PDE7B: variants seen among roughly 807,000 people sequenced by gnomAD.
PDE7B encodes phosphodiesterase 7B, also known as 3',5'-cyclic-AMP phosphodiesterase 7B.
PDE7B carries 29 observed loss-of-function variants against 56.2 expected under a neutral mutation model. That is an observed-to-expected ratio of 0.52 (90% CI 0.38 to 0.70). The LOEUF (loss-of-function observed/expected upper bound fraction) is 0.70. Among genes scored for constraint, PDE7B ranks in the 30% least tolerant of loss-of-function variants. The pLI is 0.00. For synonymous variants in PDE7B, 197 were observed against 196.9 expected (o/e 1.00, Z 0.00); for missense variants, 490 against 565.0 (o/e 0.87, Z 1.35).
chr6:136,057,880 G>A (rs1776765490), intron 2 of PDE7B, among the ~76,000 whole-genome samples: 1 of 152,112 alleles, frequency 6.6e-6, no homozygotes, highest in Admixed American at 6.5e-5. Flanking sequence ...GGGGTCACAG[G>A]CGTGCACCAC....
intron 2 of PDE7B, among the ~76,000 whole-genome samples, chr6:136,048,621 G>A (rs1256144124): frequency 2.0e-5 from 3 of 152,142 alleles, no homozygotes; most frequent in African/African-American, 7.2e-5. Flanking sequence ...CTGTCTTTCT[G>A]AGGAGTTTAT....
At chr6:135,918,085 C>A (rs1773991748) in intron 1 of PDE7B, among the ~76,000 whole-genome samples, 1 of 152,140 alleles carries the variant, frequency 6.6e-6, no homozygotes, top group South Asian at 2.1e-4. Context: ...GATTTCTGGT[C>A]TTTCTTCTCT....
Position 136,193,244 on chromosome 6 carries a change from G to A in PDE7B, c.*1404G>A, listed in dbSNP as rs1410867353. The A allele has an allele frequency of 1.3e-5, 2 of 152,640 alleles. No individual in the cohort carries two copies. The highest frequency in any genetic ancestry group is 2.9e-5 in the Non-Finnish European group (2 of 68,046). The allele number at this position is 152,640 out of a possible 1,614,324, so 9.5% of individuals were successfully genotyped here. ...CACACATTTGTCTATTATGGCTATA[G>A]TACCAAAGTACTTTTGGTGTTTGGT... is the stretch of plus-strand genomic sequence containing the variant. On this transcript the variant is annotated 3_prime_UTR_variant, in exon 13 of 13. Coordinates refer to ENST00000308191, the MANE Select transcript of PDE7B (RefSeq NM_018945.4).
At chr6:135,954,562 G>A (rs1343863397) in intron 2 of PDE7B, among the ~76,000 whole-genome samples, 1 of 152,158 alleles carries the variant, frequency 6.6e-6, no homozygotes, top group African/African-American at 2.4e-5. Flanking sequence ...ATTGAGCACT[G>A]CTGTATGCCC....
chr6:136,037,468 G>A lies in PDE7B; in HGVS notation c.83-71263G>A, dbSNP rs961344236. On this transcript the variant is annotated intron_variant, in intron 2 of 12. Transcript: ENST00000308191. ...AGGGGGAGGGATGTGGAGAAGGAGC[G>A]AGAGTGATCAAACTGAGGCACTGAG... is the stretch of plus-strand genomic sequence containing the variant. The A allele has an allele frequency of 1.5e-5, 15 of 985,386 alleles. No homozygotes were observed. The Admixed American group carries it at 3.1e-4, about 20-fold the overall frequency. 61.0% of individuals were successfully genotyped at this position (985,386 alleles called of 1,614,324 possible).
intron 2 of PDE7B, among the ~76,000 whole-genome samples, chr6:136,053,938 G>A: frequency 6.6e-6 from 1 of 152,270 alleles, no homozygotes; most frequent in Non-Finnish European, 1.5e-5. Flanking sequence ...GGAGTTCATT[G>A]TAGATTCTGG....
At position 136,129,084 on chromosome 6, in the gene PDE7B, T is replaced by C. The variant is rs114985292; in HGVS notation, c.167-18267T>C. On this transcript the variant is annotated intron_variant, in intron 3 of 12. Coordinates refer to ENST00000308191, the MANE Select transcript of PDE7B (RefSeq NM_018945.4). ...TTTGCATTCTGACTGGAGCTGTCCTTACACACTCTACCAATCTGTATTGGG... is the reference window on the plus strand; with the variant it reads ...TTTGCATTCTGACTGGAGCTGTCCTCACACACTCTACCAATCTGTATTGGG... 5.2e-3 allele frequency among the ~76,000 whole-genome samples: 796 copies of C among 152,338 alleles called. 3 individuals carry two copies. The highest frequency in any genetic ancestry group is 0.018 in the African/African-American group (742 of 41,588).
rs147211491 is a variant in PDE7B, at chr6:136,023,240, T to C, written c.82+75716T>C. Among the ~76,000 whole-genome samples, 539 of 152,276 alleles carry C rather than the reference T, an allele frequency of 3.5e-3. 2 individuals are homozygous for C. Among genetic ancestry groups the C allele is most frequent in the African/African-American group, 0.012 (511 of 41,556 alleles). The stretch of plus-strand genomic sequence containing the variant: ...AATAACCTGCTCTGATTAATAGTTA[T>C]AGCAGTAACATCACTCTTGGCCCAG... On this transcript the variant is annotated intron_variant, in intron 2 of 12. Coordinates refer to ENST00000308191, the MANE Select transcript of PDE7B (RefSeq NM_018945.4).
intron 2 of PDE7B, among the ~76,000 whole-genome samples, chr6:136,058,067 A>G (rs1186505760): frequency 6.6e-6 from 1 of 152,150 alleles, no homozygotes; most frequent in Non-Finnish European, 1.5e-5. Context: ...CAAAAAGACA[A>G]TCTATAACAC....
At chr6:135,884,260 A>G (rs1775662930) in intron 1 of PDE7B, among the ~76,000 whole-genome samples, 1 of 152,170 alleles carries the variant, frequency 6.6e-6, no homozygotes, top group Admixed American at 6.6e-5. Context: ...AGTAGATTCT[A>G]CTAGTAACCA....
At chr6:136,031,098 G>C (rs1404933541) in intron 2 of PDE7B, among the ~76,000 whole-genome samples, 1 of 152,192 alleles carries the variant, frequency 6.6e-6, no homozygotes, top group African/African-American at 2.4e-5. Context: ...TTTGGCCTGC[G>C]CCAGCATGAT....
intron 1 of PDE7B, among the ~76,000 whole-genome samples, chr6:135,857,743 A>T (rs1326754327): frequency 2.0e-5 from 3 of 152,224 alleles, no homozygotes; most frequent in Non-Finnish European, 4.4e-5. Flanking sequence ...AAATCATACA[A>T]TAGAACACCA....
intron 6 of PDE7B, among the ~76,000 whole-genome samples, chr6:136,152,433 T>C (rs1178274203): frequency 1.3e-5 from 2 of 152,206 alleles, no homozygotes; most frequent in African/African-American, 2.4e-5. Context: ...GCAAGTAGGA[T>C]ATTATTATCA....
At position 136,178,994 on chromosome 6, in the gene PDE7B, CA is replaced by C. The variant is rs1462745734; in HGVS notation, c.804-2del. 2 of 1,613,972 alleles carry C rather than the reference CA, an allele frequency of 1.2e-6. No individual in the cohort carries two copies. Among genetic ancestry groups the C allele is most frequent in the Non-Finnish European group, 1.7e-6 (2 of 1,179,886 alleles). ...TTTTTCTCTTTCATTCTTGTGGATG[CA>C]GACAGGATATTGAACAGCAGCTGGG... is the stretch of plus-strand genomic sequence containing the variant. On this transcript the variant is annotated splice_acceptor_variant, in intron 9 of 12. Transcript: ENST00000308191. LOFTEE classifies it high-confidence loss of function.
At chr6:136,056,091 A>C (rs528197732) in intron 2 of PDE7B, among the ~76,000 whole-genome samples, 6 of 152,298 alleles carry the variant, frequency 3.9e-5, no homozygotes, top group Non-Finnish European at 8.8e-5. Flanking sequence ...GAAACGTAGA[A>C]GGAGGAGGAG....
intron 2 of PDE7B, among the ~76,000 whole-genome samples, chr6:136,011,909 A>G (rs1187004035): frequency 6.6e-6 from 1 of 152,206 alleles, no homozygotes; most frequent in Admixed American, 6.5e-5. Context: ...ATAATGATTT[A>G]GAATATAGTT....
At chr6:135,923,447 G>A (rs987344130) in intron 1 of PDE7B, among the ~76,000 whole-genome samples, 4 of 152,152 alleles carry the variant, frequency 2.6e-5, no homozygotes, top group African/African-American at 7.2e-5. Flanking sequence ...TAAGTGATTT[G>A]TATTATATAT....
Position 136,191,866 on chromosome 6 carries a change from C to G in PDE7B, c.*26C>G. On this transcript the variant is annotated 3_prime_UTR_variant, in exon 13 of 13. Coordinates refer to ENST00000308191, the MANE Select transcript of PDE7B (RefSeq NM_018945.4). The stretch of plus-strand genomic sequence containing the variant: ...GGGCCGGCCCAACTTAGACGCGGCT[C>G]TCCTCCGGCAGGGCCCCCAGAGGGC... 3 of 1,525,544 alleles carry G rather than the reference C, an allele frequency of 2.0e-6. No individual in the cohort carries two copies. The highest frequency in any genetic ancestry group is 8.9e-7 in the Non-Finnish European group (1 of 1,127,424). The allele number at this position is 1,525,544 out of a possible 1,614,324, so 94.5% of individuals were successfully genotyped here.
chr6:135,964,224 C>T (rs1774955148), intron 2 of PDE7B, among the ~76,000 whole-genome samples: 1 of 152,092 alleles, frequency 6.6e-6, no homozygotes, highest in Non-Finnish European at 1.5e-5. Flanking sequence ...CTGCCTCAGC[C>T]TCCTGAGTAG....
Sources: gnomAD v4.1 joint callset for allele counts (sites outside exome capture counted in the v4.1 genomes callset) on GRCh38, gnomAD v4.1.1 for gene constraint, MANE v1.5 for transcripts, NCBI Gene and HGNC (gene_info 2026-07-23, HGNC 2026-07-21) for gene names.